Variants in GLTP observed in about 807,000 individuals in gnomAD.
The protein encoded by GLTP is glycolipid transfer protein.
A neutral mutation model predicts 24.0 loss-of-function variants in GLTP; 22 were observed. The ratio of observed to expected loss-of-function variants is 0.92; its 90% CI spans 0.65 to 1.31. GLTP has a LOEUF of 1.31. GLTP is among the 50% of genes most tolerant of loss of function. GLTP has a pLI of 0.00. For synonymous variants in GLTP, 92 were observed against 115.9 expected (o/e 0.79, Z 1.33); for missense variants, 224 against 276.6 (o/e 0.81, Z 1.35).
At chr12:109,877,619 G>A (rs1868928302) in intron 1 of GLTP, among the ~76,000 whole-genome samples, 1 of 152,162 alleles carries the variant, frequency 6.6e-6, no homozygotes, top group South Asian at 2.1e-4. Flanking sequence ...ATGTTGGCAA[G>A]TGCCATGGTG....
chr12:109,870,197 G>T (rs1868674701), intron 1 of GLTP, among the ~76,000 whole-genome samples: 1 of 152,170 alleles, frequency 6.6e-6, no homozygotes, highest in African/African-American at 2.4e-5. Context: ...TGGGCACCAT[G>T]GCTCAGGCCT....
chr12:109,859,362 T>C (rs1248744576), intron 1 of GLTP, among the ~76,000 whole-genome samples: 1 of 152,064 alleles, frequency 6.6e-6, no homozygotes, highest in Non-Finnish European at 1.5e-5. Flanking sequence ...TCTACTAATA[T>C]ACAAAAATTA....
At chr12:109,865,586 C>T (rs989020865) in intron 1 of GLTP, among the ~76,000 whole-genome samples, 4 of 150,258 alleles carry the variant, frequency 2.7e-5, no homozygotes, top group Admixed American at 6.7e-5. Flanking sequence ...TGAGATTGCG[C>T]GTGAGATTCT....
intron 4 of GLTP, among the ~76,000 whole-genome samples, chr12:109,854,350 A>C (rs4766637): frequency 0.55 from 77,592 of 142,174 alleles, 21,702 homozygotes; most frequent in South Asian, 0.66. Flanking sequence ...ACAGCGACAG[A>C]GTGAGACCCT....
Position 109,874,541 on chromosome 12 carries a change from C to T in GLTP, c.103+5731G>A, listed in dbSNP as rs190635787. On this transcript the variant is annotated intron_variant, in intron 1 of 4. Coordinates refer to ENST00000318348, the MANE Select transcript of GLTP (RefSeq NM_016433.4). ...TAATGAAGAATCATTACCTTCAGCT[C>T]TTCCATCTCTAGACTCTCCCTAAAC... 9.9e-5 allele frequency among the ~76,000 whole-genome samples: 15 copies of T among 152,208 alleles called. No individual in the cohort carries two copies. In the East Asian group the frequency reaches 2.9e-3, roughly 29 times the overall value.
chr12:109,863,358 A>G (rs1355523808), intron 1 of GLTP, among the ~76,000 whole-genome samples: 1 of 152,068 alleles, frequency 6.6e-6, no homozygotes. Flanking sequence ...CATGTGTTAC[A>G]CCTTTGTTTT....
In GLTP at chr12:109,855,843, A is replaced by G; in HGVS notation, c.297-74T>C. On this transcript the variant is annotated intron_variant, in intron 3 of 4. Coordinates refer to ENST00000318348, the MANE Select transcript of GLTP (RefSeq NM_016433.4). The surrounding 1 kb of genome is among the most constrained non-coding windows in gnomAD (Gnocchi z 4.1). ...CGTGAAAGACCCTGATGGACTCTGAATTTGCCACCTACTGTGAGCCAGGAA... is the reference window on the plus strand; with the variant it reads ...CGTGAAAGACCCTGATGGACTCTGAGTTTGCCACCTACTGTGAGCCAGGAA... 9 of 1,281,816 alleles carry G rather than the reference A, an allele frequency of 7.0e-6. No individual in the cohort carries two copies. The highest frequency in any genetic ancestry group is 9.4e-6 in the Non-Finnish European group (9 of 953,810). 79.4% of individuals were successfully genotyped at this position (1,281,816 alleles called of 1,614,324 possible).
At chr12:109,879,710 C>T (rs1165031425) in intron 1 of GLTP, among the ~76,000 whole-genome samples, 2 of 152,120 alleles carry the variant, frequency 1.3e-5, no homozygotes, top group South Asian at 2.1e-4. Context: ...CACCAGGCTT[C>T]CTACCCTTGG....
intron 1 of GLTP, among the ~76,000 whole-genome samples, chr12:109,876,763 TTA>T (rs752917540): frequency 1.3e-5 from 2 of 152,142 alleles, no homozygotes; most frequent in African/African-American, 2.4e-5. Context: ...AAAAAGCAGG[TTA>T]TACTTATTTG....
rs1375890682 is a variant in GLTP at position 109,851,069 on chromosome 12, C to T, written c.*1486G>A. ...AACTCTTTTGGGGTTGCTTTGTTTGCCCCAGCACTTTAAAAAATACAGCTC... is the reference window on the plus strand; with the variant it reads ...AACTCTTTTGGGGTTGCTTTGTTTGTCCCAGCACTTTAAAAAATACAGCTC... On this transcript the variant is annotated 3_prime_UTR_variant, in exon 5 of 5. Coordinates refer to ENST00000318348, the MANE Select transcript of GLTP (RefSeq NM_016433.4). The T allele has an allele frequency of 6.6e-6, 1 of 152,530 alleles. No individual in the cohort carries two copies. Among genetic ancestry groups the T allele is most frequent in the African/African-American group, 2.4e-5 (1 of 41,408 alleles). 9.4% of individuals were successfully genotyped at this position (152,530 alleles called of 1,614,324 possible).
At chr12:109,878,541 T>G (rs1308290452) in intron 1 of GLTP, among the ~76,000 whole-genome samples, 2 of 151,966 alleles carry the variant, frequency 1.3e-5, no homozygotes, top group Non-Finnish European at 2.9e-5. Flanking sequence ...TCTGAATCCC[T>G]GTCCAGGGCA....
rs755714057 is a variant in GLTP, at chr12:109,852,756, G to A, written c.448-19C>T. 6.3e-7 allele frequency: 1 copy of A among 1,585,672 alleles called. No individual in the cohort carries two copies. The highest frequency in any genetic ancestry group is 8.7e-7 in the Non-Finnish European group (1 of 1,155,952). ...GTGCTGCCTTGAGACAGGCAAGAAG[G>A]GAGGTAGGCACAGCGTTAGCGGGGG... is the stretch of plus-strand genomic sequence containing the variant. On this transcript the variant is annotated intron_variant, in intron 4 of 4. Coordinates refer to ENST00000318348, the MANE Select transcript of GLTP (RefSeq NM_016433.4).
intron 1 of GLTP, among the ~76,000 whole-genome samples, chr12:109,863,439 C>G (rs1592890966): frequency 6.6e-6 from 1 of 152,200 alleles, no homozygotes; most frequent in African/African-American, 2.4e-5. Context: ...GCTATGCCCC[C>G]AGCACCCAGC....
At chr12:109,853,411 C>T (rs1157158573) in intron 4 of GLTP, among the ~76,000 whole-genome samples, 1 of 152,088 alleles carries the variant, frequency 6.6e-6, no homozygotes, top group Non-Finnish European at 1.5e-5. Flanking sequence ...CTTAGGCTAG[C>T]CAAGCACGGT....
At chr12:109,871,081 CTTTTTTTTT>C (rs965998479) in intron 1 of GLTP, among the ~76,000 whole-genome samples, 1 of 114,434 alleles carries the variant, frequency 8.7e-6, no homozygotes, top group African/African-American at 3.4e-5. Context: ...CATTTCCATT[CTTTTTTTTT>C]TTTTTTTTTT....
Position 109,880,165 on chromosome 12 carries a change from A to G in GLTP, c.103+107T>C, listed in dbSNP as rs1241371401. On this transcript the variant is annotated intron_variant, in intron 1 of 4. Transcript: ENST00000318348. The surrounding 1 kb of genome is among the most constrained non-coding windows in gnomAD (Gnocchi z 5.1). ...GAGGATCTTGGGTGCCTGGGGAAAC[A>G]GTACTTAGGGGTGTCTAGGGCAGAG... The G allele has an allele frequency of 1.1e-5, 7 of 630,154 alleles. No individual in the cohort carries two copies. The highest frequency in any genetic ancestry group is 2.0e-5 in the Non-Finnish European group (7 of 358,944). 39.0% of individuals were successfully genotyped at this position (630,154 alleles called of 1,614,324 possible).
At chr12:109,864,221 T>G (rs990941811) in intron 1 of GLTP, among the ~76,000 whole-genome samples, 1 of 152,218 alleles carries the variant, frequency 6.6e-6, no homozygotes, top group African/African-American at 2.4e-5. Flanking sequence ...GACCCCAGAC[T>G]ACTTCCATGC....
At position 109,873,633 on chromosome 12, in the gene GLTP, CAA is replaced by C. The variant is rs774803716; in HGVS notation, c.103+6637_103+6638del. Among the ~76,000 whole-genome samples the C allele has an allele frequency of 7.7e-3, 411 of 53,648 alleles. 1 individual carries two copies. The highest frequency in any genetic ancestry group is 0.024 in the African/African-American group (387 of 16,402). The allele number at this position is 53,648 out of a possible 152,430, so 35.2% of individuals were successfully genotyped here. On this transcript the variant is annotated intron_variant, in intron 1 of 4. Transcript: ENST00000318348. ...TGGGCAATAGAGCAAGACTCTGTCT[CAA>C]AAAAAAAAAAAAAAAAAAAAAGCAA... is the stretch of plus-strand genomic sequence containing the variant.
At chr12:109,863,221 ATG>A (rs371977582) in intron 1 of GLTP, among the ~76,000 whole-genome samples, 2 of 45,062 alleles carry the variant, frequency 4.4e-5, no homozygotes, top group Non-Finnish European at 1.0e-4. Context: ...GCTTCGCCAC[ATG>A]TTTGAATTTT....
Sources: allele counts gnomAD v4.1 joint callset (sites outside exome capture counted in the v4.1 genomes callset), GRCh38; gene constraint gnomAD v4.1.1; non-coding constraint Gnocchi (gnomAD v3.1); transcripts MANE v1.5; gene names NCBI Gene and HGNC (gene_info 2026-07-23, HGNC 2026-07-21).